Variants in EXT1 observed in about 807,000 individuals in gnomAD.
EXT1 encodes exostosin-1.
In EXT1, 20 loss-of-function variants were observed where a neutral mutation model predicts 82.5. The ratio of observed to expected loss-of-function variants is 0.24; its 90% CI spans 0.17 to 0.35. EXT1 has a LOEUF of 0.35. EXT1 is among the 10% of genes least tolerant of loss of function. The pLI, the probability that EXT1 is intolerant of heterozygous loss-of-function variation, is 1.00. For synonymous variants in EXT1, 348 were observed against 350.8 expected (o/e 0.99, Z 0.09); for missense variants, 757 against 936.5 (o/e 0.81, Z 2.50).
intron 1 of EXT1, among the ~76,000 whole-genome samples, chr8:117,946,208 G>A (rs561669561): frequency 6.6e-6 from 1 of 152,196 alleles, no homozygotes; most frequent in East Asian, 1.9e-4. Context: ...CTAGATTACT[G>A]TATTATGGAT....
chr8:118,019,726 G>A (rs1816067461), intron 1 of EXT1, among the ~76,000 whole-genome samples: 1 of 152,202 alleles, frequency 6.6e-6, no homozygotes, highest in African/African-American at 2.4e-5. Flanking sequence ...TATGTATTAA[G>A]TATTGTCAAC....
At chr8:118,019,245 T>TAGAA (rs1816056351) in intron 1 of EXT1, among the ~76,000 whole-genome samples, 5 of 29,592 alleles carry the variant, frequency 1.7e-4, no homozygotes, top group Admixed American at 7.2e-4. Flanking sequence ...AGCAGTACGA[T>TAGAA]TGAAAGAAAG....
rs4876757 is a variant in EXT1, at chr8:117,818,655, C to T, written c.1537-125G>A. 0.25 allele frequency: 195,346 copies of T among 775,512 alleles called. 25,032 individuals carry two copies. The highest frequency in any genetic ancestry group is 0.31 in the African/African-American group (18,313 of 58,628). The allele number at this position is 775,512 out of a possible 1,614,324, so 48.0% of individuals were successfully genotyped here. A position where few individuals can be genotyped will look rare whatever the true frequency, so the allele number is the denominator to read the frequency against. Reference sequence around the variant, plus strand: ...TGGAAATCTCAGCAAGACAAAACGGCAGACATCAAAACTGAGTTTTAAAGT... The same window carrying T: ...TGGAAATCTCAGCAAGACAAAACGGTAGACATCAAAACTGAGTTTTAAAGT... On this transcript the variant is annotated intron_variant, in intron 6 of 10. Transcript: ENST00000378204.
chr8:117,834,177 C>T (rs1234444196), intron 3 of EXT1, among the ~76,000 whole-genome samples: 1 of 152,200 alleles, frequency 6.6e-6, no homozygotes, highest in East Asian at 1.9e-4. Flanking sequence ...GTTTCAGGAG[C>T]TGTGGTCACT....
chr8:118,041,251 G>A (rs1261182142), intron 1 of EXT1, among the ~76,000 whole-genome samples: 4 of 152,194 alleles, frequency 2.6e-5, no homozygotes, highest in African/African-American at 4.8e-5. Flanking sequence ...TCAGAAAGCA[G>A]AGATGGTGCA....
At chr8:118,054,553 ATAT>A (rs1163070018) in intron 1 of EXT1, among the ~76,000 whole-genome samples, 1 of 152,222 alleles carries the variant, frequency 6.6e-6, no homozygotes, top group East Asian at 1.9e-4. Context: ...CATTTGATAC[ATAT>A]TATTGCTAAT....
intron 1 of EXT1, among the ~76,000 whole-genome samples, chr8:117,989,387 T>A (rs1192055486): frequency 2.0e-5 from 3 of 152,120 alleles, no homozygotes; most frequent in Non-Finnish European, 4.4e-5. Context: ...TTATTTCTGC[T>A]TCCATGTTTT....
chr8:117,997,234 T>C (rs1329537748), intron 1 of EXT1, among the ~76,000 whole-genome samples: 5 of 146,638 alleles, frequency 3.4e-5, no homozygotes, highest in African/African-American at 7.7e-5. Context: ...CCGTATGGTA[T>C]AGTTGTCATA....
At chr8:118,074,316 C>T (rs1358754879) in intron 1 of EXT1, among the ~76,000 whole-genome samples, 2 of 152,172 alleles carry the variant, frequency 1.3e-5, no homozygotes, top group African/African-American at 4.8e-5. Flanking sequence ...CGCCCCTTTT[C>T]CTGTTGCAAA....
At chr8:118,070,589 T>A (rs1334198383) in intron 1 of EXT1, among the ~76,000 whole-genome samples, 1 of 152,194 alleles carries the variant, frequency 6.6e-6, no homozygotes, top group Admixed American at 6.5e-5. Context: ...TAAACTCCAG[T>A]ATTAATACAA....
At chr8:117,950,746 T>C (rs1171841414) in intron 1 of EXT1, among the ~76,000 whole-genome samples, 3 of 152,210 alleles carry the variant, frequency 2.0e-5, no homozygotes. Flanking sequence ...TTAGAATAGA[T>C]GGACTATGAA....
chr8:118,110,595 G>T lies in EXT1; in HGVS notation c.452C>A (p.Ala151Glu), dbSNP rs1385688129. ...ATCCAGACTCAGGACAAAGAGGCACGCCTGGCTGGGGTCCGAGGTGTAGAA... is the reference window on the plus strand; with the variant it reads ...ATCCAGACTCAGGACAAAGAGGCACTCCTGGCTGGGGTCCGAGGTGTAGAA... Reference protein sequence around the residue: ...SRFYTSDPSQACLFVLSLDTL... With the variant: ...SRFYTSDPSQECLFVLSLDTL... Residue 151 changes from alanine (A) to glutamate (E), a missense_variant, in exon 1 of 11, where the codon GCG (alanine) becomes GAG (glutamate). Coordinates refer to ENST00000378204, the MANE Select transcript of EXT1 (RefSeq NM_000127.3). 6.2e-7 allele frequency: 1 copy of T among 1,614,074 alleles called. No individual in the cohort carries two copies. Among genetic ancestry groups the T allele is most frequent in the Non-Finnish European group, 8.5e-7 (1 of 1,180,036 alleles).
intron 7 of EXT1, among the ~76,000 whole-genome samples, chr8:117,815,963 C>T (rs1454001528): frequency 6.7e-6 from 1 of 149,166 alleles, no homozygotes; most frequent in Non-Finnish European, 1.5e-5. Flanking sequence ...AACAAACATG[C>T]CTAGGAAATG....
At chr8:117,869,453 G>T (rs952928735) in intron 1 of EXT1, among the ~76,000 whole-genome samples, 8 of 152,222 alleles carry the variant, frequency 5.3e-5, no homozygotes, top group African/African-American at 1.9e-4. Flanking sequence ...AGTGCATGAT[G>T]AAGTCAATTA....
chr8:117,934,551 C>G (rs1222340776), intron 1 of EXT1, among the ~76,000 whole-genome samples: 2 of 152,328 alleles, frequency 1.3e-5, no homozygotes, highest in East Asian at 3.9e-4. Flanking sequence ...GTTGTCACGC[C>G]CCCTTTCCCT....
chr8:117,905,624 A>G (rs566020214), intron 1 of EXT1, among the ~76,000 whole-genome samples: 6 of 152,216 alleles, frequency 3.9e-5, no homozygotes, highest in African/African-American at 1.4e-4. Context: ...CATCCTGGCT[A>G]ACACGGTGAA....
intron 1 of EXT1, among the ~76,000 whole-genome samples, chr8:118,091,869 A>G (rs1817532580): frequency 6.6e-6 from 1 of 152,224 alleles, no homozygotes; most frequent in Non-Finnish European, 1.5e-5. Flanking sequence ...AGTAAATCTA[A>G]CAATTCAGAT....
At chr8:118,085,284 GAAGA>G (rs2129988856) in intron 1 of EXT1, among the ~76,000 whole-genome samples, 2 of 152,268 alleles carry the variant, frequency 1.3e-5, no homozygotes, top group African/African-American at 4.8e-5. Flanking sequence ...AGGGTGAGCA[GAAGA>G]AAGAGTAACA....
In EXT1 at chr8:118,050,634, G is replaced by C. The variant is rs143897549; in HGVS notation, c.962+59451C>G. 2.9e-3 allele frequency among the ~76,000 whole-genome samples: 446 copies of C among 152,326 alleles called. 4 individuals carry two copies. The highest frequency in any genetic ancestry group is 0.01 in the African/African-American group (434 of 41,582). On this transcript the variant is annotated intron_variant, in intron 1 of 10. Coordinates refer to ENST00000378204, the MANE Select transcript of EXT1 (RefSeq NM_000127.3). ...GCCAGAGACAGGAAGTAAATGAATT[G>C]AGTGTGGCTGTATTCCAATAAAACT...
Sources: gnomAD v4.1 joint callset for allele counts (sites outside exome capture counted in the v4.1 genomes callset) on GRCh38, gnomAD v4.1.1 for gene constraint, MANE v1.5 for transcripts, NCBI Gene and HGNC (gene_info 2026-07-23, HGNC 2026-07-21) for gene names.